The following NECAB3 variants were observed in gnomAD, a reference collection of about 807,000 sequenced individuals.
The protein encoded by NECAB3 is N-terminal EF-hand calcium-binding protein 3.
NECAB3 carries 38 observed loss-of-function variants against 57.2 expected under a neutral mutation model. That is an observed-to-expected ratio of 0.66 (90% CI 0.51 to 0.87). The LOEUF (loss-of-function observed/expected upper bound fraction) is 0.87. Among genes scored for constraint, NECAB3 ranks in the 40% least tolerant of loss-of-function variants. NECAB3 has a pLI of 0.00. For synonymous variants in NECAB3, 223 were observed against 222.6 expected (o/e 1.00, Z -0.02); for missense variants, 474 against 527.5 (o/e 0.90, Z 0.99).
At position 33,672,452 on chromosome 20, in the gene NECAB3, G is replaced by C. The variant is rs369825391; in HGVS notation, c.130-30C>G. 1.7e-4 allele frequency: 277 copies of C among 1,613,864 alleles called. No individual in the cohort carries two copies. The South Asian group carries it at 2.8e-3, about 17-fold the overall frequency. Reference sequence around the variant, plus strand: ...AGGACAAAGGGACATAGAGAGAACTGTGAGTGCCACCTGGGAAGCCAGAGG... The same window carrying C: ...AGGACAAAGGGACATAGAGAGAACTCTGAGTGCCACCTGGGAAGCCAGAGG... On this transcript the variant is annotated intron_variant, in intron 1 of 11. Coordinates refer to ENST00000246190, the MANE Select transcript of NECAB3 (RefSeq NM_031232.4).
At chr20:33,664,505 G>T in intron 5 of NECAB3, 1 of 182,914 alleles carries the variant, frequency 5.5e-6, no homozygotes, top group Admixed American at 5.2e-5. Flanking sequence ...AACCTACCCT[G>T]TCCCATCTCC....
At chr20:33,667,841 G>A in intron 5 of NECAB3, 1 of 1,610,114 alleles carries the variant, frequency 6.2e-7, no homozygotes, top group Non-Finnish European at 8.5e-7. Context: ...TGCTGCGTCT[G>A]CCTCAGCAGT....
At chr20:33,663,709 CAAGAGGCGCGGCGGCCGG>C (rs1442182705) in intron 5 of NECAB3, 13 of 1,536,304 alleles carry the variant, frequency 8.5e-6, no homozygotes, top group Non-Finnish European at 1.0e-5. Context: ...GCTGCGGCGG[CAAGAGGCGCGGCGGCCGG>C]AAGAGGGCGG....
In NECAB3 at chr20:33,657,829, T is replaced by C; in HGVS notation, c.1191A>G (p.Ter397TrpextTer115). ...PASWWIMNNN[*>W] is the part of the protein sequence containing the mutation. ...GGCCCTCGGCGTGTGCAGGTCTGGC[T>C]CAGTTGTTATTCATTATCCACCAGG... is the stretch of plus-strand genomic sequence containing the variant. The change falls in exon 12 of 12, where the codon TGA becomes TGG. Residue 397 changes from the stop codon to tryptophan, a stop_lost. Coordinates refer to ENST00000246190, the MANE Select transcript of NECAB3 (RefSeq NM_031232.4). The C allele has an allele frequency of 6.5e-7, 1 of 1,538,294 alleles. No individual in the cohort carries two copies. Among genetic ancestry groups the C allele is most frequent in the Non-Finnish European group, 8.8e-7 (1 of 1,139,638 alleles).
chr20:33,669,216 G>A, intron 5 of NECAB3, 159 bp downstream of exon 5: 1 of 648,750 alleles, frequency 1.5e-6, no homozygotes, highest in Admixed American at 2.6e-5. Context: ...GAGGAAACAG[G>A]CCCAGAGAGG....
intron 5 of NECAB3, chr20:33,664,035 C>T: frequency 1.7e-6 from 1 of 574,628 alleles, no homozygotes. Flanking sequence ...CGGTCTGGAG[C>T]CAGGGCTGTC....
rs1473404810 is a variant in NECAB3, at chr20:33,657,999, G to A, written c.1105C>T (p.Arg369Cys). 2.2e-5 allele frequency: 34 copies of A among 1,555,200 alleles called. No individual in the cohort carries two copies. The East Asian group carries it at 3.9e-4, about 18-fold the overall frequency. The change falls in exon 11 of 12, where the codon CGC (arginine) becomes TGC (cysteine). Residue 369 changes from arginine (R) to cysteine (C), a missense_variant. Coordinates refer to ENST00000246190, the MANE Select transcript of NECAB3 (RefSeq NM_031232.4). ...GCCCGCAGGTGGTCGATGAGGATGC[G>A]CTGGAAGGCCTTGCTGCCAGGCGAC... is the stretch of plus-strand genomic sequence containing the variant. ...QQSPGSKAFQ[R>C]ILIDHLRAPD...
At chr20:33,662,757 T>C (rs1026059396) in intron 5 of NECAB3, 11 of 354,440 alleles carry the variant, frequency 3.1e-5, no homozygotes, top group Non-Finnish European at 5.8e-5. Flanking sequence ...CTGGGCAACA[T>C]AGGGAGGCCC....
intron 5 of NECAB3, chr20:33,669,125 C>T: frequency 1.9e-6 from 1 of 528,892 alleles, no homozygotes; most frequent in Middle Eastern, 4.9e-4. Context: ...CAGAATAAAA[C>T]AGACAAAAAT....
upstream of NECAB3, chr20:33,674,430 C>A: frequency 9.3e-7 from 1 of 1,075,132 alleles, no homozygotes; most frequent in African/African-American, 1.7e-5. Flanking sequence ...TGGCTAGAGG[C>A]CGCCCCTTGG....
chr20:33,659,610 A>G lies in NECAB3; in HGVS notation c.766T>C (p.Trp256Arg), dbSNP rs1409488204. 8.1e-6 allele frequency: 13 copies of G among 1,607,600 alleles called. No individual in the cohort carries two copies. The highest frequency in any genetic ancestry group is 9.3e-6 in the Non-Finnish European group (11 of 1,177,700). Reference sequence around the variant, plus strand: ...CATGGGCCTGGCTCTGGTGGATACCAGGAGGGTCCTCCCTTGTGGGGCCCT... The same window carrying G: ...CATGGGCCTGGCTCTGGTGGATACCGGGAGGGTCCTCCCTTGTGGGGCCCT... ...GPGPHKGGPS[W>R]YPPEPGPCWR... The change falls in exon 8 of 12, where the codon TGG becomes CGG. Residue 256 changes from tryptophan (W) to arginine (R), a missense_variant. Transcript: ENST00000246190.
chr20:33,667,571 G>A (rs1415282669), intron 5 of NECAB3: 19 of 1,559,414 alleles, frequency 1.2e-5, no homozygotes, highest in Non-Finnish European at 1.6e-5. Context: ...GCGGGCGCGG[G>A]CGTGTGCCAC....
At chr20:33,667,394 A>G in intron 5 of NECAB3, 2 of 1,377,866 alleles carry the variant, frequency 1.5e-6, no homozygotes, top group Non-Finnish European at 1.9e-6. Flanking sequence ...GTGTGCCCAG[A>G]GCAGTGGCCC....
chr20:33,663,975 AG>A, intron 5 of NECAB3: 1 of 1,006,704 alleles, frequency 9.9e-7, no homozygotes, highest in Non-Finnish European at 1.4e-6. Context: ...AGCTCAGCCT[AG>A]GAGCCGCAGA....
chr20:33,670,781 G>C lies in NECAB3; in HGVS notation c.166C>G (p.Leu56Val). The C allele has an allele frequency of 1.2e-6, 2 of 1,613,792 alleles. No individual in the cohort carries two copies. The highest frequency in any genetic ancestry group is 2.2e-5 in the South Asian group (2 of 91,064). The change falls in exon 3 of 12, where the codon CTC becomes GTC. Residue 56 changes from leucine to valine, a missense_variant. Leu to Val is a conservative substitution (Grantham distance 32). Coordinates refer to ENST00000246190, the MANE Select transcript of NECAB3 (RefSeq NM_031232.4). Reference sequence around the variant, plus strand: ...TAATTCTGGAATTCCTCAAATGAGAGCTTCCCATCATCTGGGGTGGCAGGG... The same window carrying C: ...TAATTCTGGAATTCCTCAAATGAGACCTTCCCATCATCTGGGGTGGCAGGG... ...RRADKNDDGK[L>V]SFEEFQNYFA...
At chr20:33,667,811 G>C in intron 5 of NECAB3, 1 of 1,612,528 alleles carries the variant, frequency 6.2e-7, no homozygotes, top group Non-Finnish European at 8.5e-7. Context: ...CATCCGGCCA[G>C]TTTCAGCGTG....
intron 5 of NECAB3, chr20:33,663,607 T>C (rs2122484245): frequency 1.2e-6 from 2 of 1,610,786 alleles, no homozygotes; most frequent in South Asian, 1.1e-5. Context: ...TGACTACGCG[T>C]CCGGCGCTGG....
At chr20:33,657,878 G>A (rs1601146387) in intron 11 of NECAB3, 21 bp from the exon 12 acceptor site, 24 of 1,546,224 alleles carry the variant, frequency 1.6e-5, no homozygotes, top group Non-Finnish European at 1.8e-5. Context: ...GAGGCAGGGG[G>A]TCAGGAGCCC....
rs978551183 is a variant in NECAB3, at chr20:33,658,490, C to T, written c.1057G>A (p.Ala353Thr). The part of the protein sequence containing the change: ...FTLYEFWQDE[A>T]SWRRHQQSPG... ...TGGCACTCATACCTTCTCCAGGAGG[C>T]CTCATCCTGCCAGAACTCATACAGG... Residue 353 changes from alanine (A) to threonine (T), a missense_variant, in exon 10 of 12, where the codon GCC becomes ACC. Ala to Thr is a moderately conservative substitution (Grantham distance 58). Transcript: ENST00000246190. 8 of 1,613,874 alleles carry T rather than the reference C, an allele frequency of 5.0e-6. No individual in the cohort carries two copies. The highest frequency in any genetic ancestry group is 6.8e-6 in the Non-Finnish European group (8 of 1,179,962).
Sources: gnomAD v4.1 joint callset for allele counts on GRCh38, gnomAD v4.1.1 for gene constraint, MANE v1.5 for transcripts, NCBI Gene and HGNC (gene_info 2026-07-23, HGNC 2026-07-21) for gene names.